The following ENOX1 variants were observed in gnomAD, a reference collection of about 807,000 sequenced individuals.
The protein encoded by ENOX1 is candidate growth-related and time keeping constitutive hydroquinone (NADH) oxidase.
A neutral mutation model predicts 82.5 loss-of-function variants in ENOX1; 42 were observed. The observed-to-expected ratio is 0.51, with a 90% CI of 0.40 to 0.66. The LOEUF (loss-of-function observed/expected upper bound fraction) is 0.66, where lower values mean the gene tolerates loss of function less well. ENOX1 is among the 30% of genes least tolerant of loss of function. The pLI is 0.00. For missense variants in ENOX1, 608 were observed against 811.6 expected (o/e 0.75, Z 3.05); for synonymous variants, 271 against 282.2 (o/e 0.96, Z 0.40).
intron 9 of ENOX1, among the ~76,000 whole-genome samples, chr13:43,335,415 T>C (rs1039291318): frequency 1.4e-4 from 22 of 152,192 alleles, no homozygotes; most frequent in African/African-American, 2.4e-4. Context: ...AAAAAATCTT[T>C]GTAAAAATTT....
chr13:43,650,539 T>G (rs1172212881), intron 2 of ENOX1, among the ~76,000 whole-genome samples: 1 of 151,996 alleles, frequency 6.6e-6, no homozygotes, highest in Non-Finnish European at 1.5e-5. Flanking sequence ...CCCTGGGACT[T>G]TCAAACCCAG....
intron 2 of ENOX1, among the ~76,000 whole-genome samples, chr13:43,571,829 T>C (rs1174043772): frequency 6.6e-6 from 1 of 152,164 alleles, no homozygotes; most frequent in Non-Finnish European, 1.5e-5. Flanking sequence ...CTTTAAGTCC[T>C]TCCCAGCAAT....
At chr13:43,220,466 C>T (rs1451169795) in intron 16 of ENOX1, among the ~76,000 whole-genome samples, 1 of 152,112 alleles carries the variant, frequency 6.6e-6, no homozygotes, top group Non-Finnish European at 1.5e-5. Context: ...ATGTCTGAGT[C>T]TCAAATCATT....
At chr13:43,437,323 A>G (rs2056091540) in intron 3 of ENOX1, among the ~76,000 whole-genome samples, 1 of 152,204 alleles carries the variant, frequency 6.6e-6, no homozygotes, top group African/African-American at 2.4e-5. Context: ...TCACCAACCC[A>G]GAGCTAGCAT....
chr13:43,470,776 G>A (rs899548632), intron 3 of ENOX1, among the ~76,000 whole-genome samples: 5 of 151,734 alleles, frequency 3.3e-5, no homozygotes, highest in South Asian at 2.1e-4. Flanking sequence ...AAATGATTTC[G>A]ACATATTAGT....
chr13:43,585,285 A>T (rs1304379597), intron 2 of ENOX1, among the ~76,000 whole-genome samples: 1 of 152,238 alleles, frequency 6.6e-6, no homozygotes, highest in Non-Finnish European at 1.5e-5. Flanking sequence ...GTTCTGCCCT[A>T]GAAGATTGGG....
At chr13:43,413,866 G>A (rs1449655215) in intron 3 of ENOX1, among the ~76,000 whole-genome samples, 1 of 151,484 alleles carries the variant, frequency 6.6e-6, no homozygotes, top group African/African-American at 2.4e-5. Flanking sequence ...CAAAAACAGA[G>A]CTTTCACATG....
chr13:43,412,314 C>A (rs879042231), intron 4 of ENOX1, among the ~76,000 whole-genome samples: 1 of 152,056 alleles, frequency 6.6e-6, no homozygotes, highest in African/African-American at 2.4e-5. Flanking sequence ...GGAAAAAAAT[C>A]GAAGAATTGT....
chr13:43,413,129 T>C (rs2054234694), intron 3 of ENOX1, 141 bp from the exon 4 acceptor site: 2 of 856,004 alleles, frequency 2.3e-6, no homozygotes, highest in Non-Finnish European at 3.3e-6. Context: ...CTGCTTCCCA[T>C]CGCTCAGCGG....
chr13:43,720,008 C>T (rs2088455466), intron 1 of ENOX1, among the ~76,000 whole-genome samples: 1 of 152,064 alleles, frequency 6.6e-6, no homozygotes, highest in Non-Finnish European at 1.5e-5. Context: ...TTTAAAAATT[C>T]AAGATGTATA....
At chr13:43,437,914 G>A (rs554907617) in intron 3 of ENOX1, among the ~76,000 whole-genome samples, 2 of 152,288 alleles carry the variant, frequency 1.3e-5, no homozygotes, top group East Asian at 3.9e-4. Flanking sequence ...AATTAACTTT[G>A]AAGGTAATTT....
chr13:43,468,842 T>C (rs1015099064), intron 3 of ENOX1, among the ~76,000 whole-genome samples: 3 of 152,174 alleles, frequency 2.0e-5, no homozygotes, highest in Non-Finnish European at 4.4e-5. Flanking sequence ...TTAAGTTTAT[T>C]CCTAAGCATT....
chr13:43,383,149 G>A (rs2052178415), intron 5 of ENOX1, among the ~76,000 whole-genome samples: 4 of 152,130 alleles, frequency 2.6e-5, no homozygotes, highest in Admixed American at 2.0e-4. Flanking sequence ...GAAGACTGTC[G>A]ATGATTTGGT....
At chr13:43,764,207 CAA>C (rs1427339469) in intron 1 of ENOX1, among the ~76,000 whole-genome samples, 1 of 152,194 alleles carries the variant, frequency 6.6e-6, no homozygotes, top group Non-Finnish European at 1.5e-5. Flanking sequence ...ACTTCAGAGG[CAA>C]AGTCTACCTT....
intron 11 of ENOX1, among the ~76,000 whole-genome samples, chr13:43,321,642 C>T (rs562736364): frequency 2.0e-5 from 3 of 152,198 alleles, no homozygotes; most frequent in Non-Finnish European, 4.4e-5. Context: ...CAAATCTATA[C>T]CATCTCTGTA....
At chr13:43,752,702 C>T (rs886201994) in intron 1 of ENOX1, among the ~76,000 whole-genome samples, 5 of 152,120 alleles carry the variant, frequency 3.3e-5, no homozygotes, top group African/African-American at 1.2e-4. Flanking sequence ...CTACTTCTGC[C>T]TCTTTCTTCT....
chr13:43,708,940 G>A (rs766561995), intron 1 of ENOX1, among the ~76,000 whole-genome samples: 14 of 152,138 alleles, frequency 9.2e-5, no homozygotes, highest in Non-Finnish European at 1.0e-4. Flanking sequence ...TAGATTCCCA[G>A]AGTGGCTTTA....
intron 3 of ENOX1, among the ~76,000 whole-genome samples, chr13:43,427,091 T>C (rs1437376746): frequency 2.0e-5 from 3 of 152,182 alleles, no homozygotes; most frequent in Non-Finnish European, 4.4e-5. Flanking sequence ...AATATCAATA[T>C]ACACTAGAGA....
intron 2 of ENOX1, among the ~76,000 whole-genome samples, chr13:43,579,602 C>T (rs1014800322): frequency 1.3e-5 from 2 of 152,124 alleles, no homozygotes; most frequent in African/African-American, 2.4e-5. Context: ...ATTGATCTCC[C>T]CATGAGACCA....
Sources: allele counts gnomAD v4.1 joint callset (sites outside exome capture counted in the v4.1 genomes callset), GRCh38; gene constraint gnomAD v4.1.1; transcripts MANE v1.5; gene names NCBI Gene and HGNC (gene_info 2026-07-23, HGNC 2026-07-21).